CDH15: variants seen among roughly 807,000 people sequenced by gnomAD.
CDH15 encodes cadherin-15.
In CDH15, 73 loss-of-function variants were observed where a neutral mutation model predicts 69.4. That is an observed-to-expected ratio of 1.05 (90% CI 0.87 to 1.28). The LOEUF (loss-of-function observed/expected upper bound fraction) is 1.28. Among genes scored for constraint, CDH15 ranks in the 50% most tolerant of loss-of-function variants. The pLI is 0.00. For synonymous variants in CDH15, 624 were observed against 507.7 expected, an observed-to-expected ratio of 1.23 and a Z score of -3.08; for missense variants, 1,343 against 1,133.6, an observed-to-expected ratio of 1.18 and a Z score of -2.65.
chr16:89,187,490 C>A lies in CDH15; in HGVS notation c.725C>A (p.Ala242Asp), dbSNP rs763290887. ...VADMSGDGLT[A>D]TASAIITLDD... ...GACATGTCTGGAGACGGCCTCACAG[C>A]CACTGCCTCAGCCATCATCACCCTT... is the stretch of plus-strand genomic sequence containing the variant. The change falls in exon 6 of 14, where the codon GCC becomes GAC. Residue 242 changes from alanine (A) to aspartate (D), a missense_variant. By Grantham distance (126) the Ala-to-Asp change is moderately radical (BLOSUM62 -2). Coordinates refer to ENST00000289746, the MANE Select transcript of CDH15 (RefSeq NM_004933.3). 6.2e-7 allele frequency: 1 copy of A among 1,613,664 alleles called. No homozygotes were observed. Among genetic ancestry groups the A allele is most frequent in the Non-Finnish European group, 8.5e-7 (1 of 1,180,016 alleles).
intron 3 of CDH15, chr16:89,183,092 G>C (rs543032662): frequency 6.3e-6 from 1 of 158,620 alleles, no homozygotes; most frequent in Non-Finnish European, 1.4e-5. Context: ...TGAGGCAGGA[G>C]AATCGCTTGA....
rs764511057 is a variant in CDH15, at chr16:89,191,743, G to A, written c.1464G>A (p.Pro488=). The change falls in exon 10 of 14, where the codon CCG becomes CCA. Residue 488 remains proline (P), a synonymous_variant. Transcript: ENST00000289746. The part of the protein sequence containing the change: ...DHAPVLAPPP[P]GSLCSEPHQG... ...CACCTGTGCTGGCCCCGCCGCCGCC[G>A]GGCAGCCTGTGCAGCGAGCCACACC... The A allele has an allele frequency of 1.0e-5, 16 of 1,604,566 alleles. No homozygotes were observed. The highest frequency in any genetic ancestry group is 1.6e-4 in the Middle Eastern group (1 of 6,078).
chr16:89,189,435 C>T (rs1031631483), intron 7 of CDH15, among the ~76,000 whole-genome samples: 6 of 152,244 alleles, frequency 3.9e-5, no homozygotes, highest in Admixed American at 1.3e-4. Context: ...GGGTTTGAGC[C>T]CCTTCCTGGC....
rs139450416 is a variant in CDH15 at position 89,194,947 on chromosome 16, C to T, written c.2237C>T (p.Ala746Val). ...GACTACGAGGGTGACGGCTCGGTGG[C>T]GGGGACGCTGAGCTCCATCCTGTCC... ...IYDYEGDGSVAGTLSSILSSQ... is the reference protein window; with the variant it reads ...IYDYEGDGSVVGTLSSILSSQ... Residue 746 changes from alanine to valine, a missense_variant, in exon 14 of 14, where the codon GCG becomes GTG. Coordinates refer to ENST00000289746, the MANE Select transcript of CDH15 (RefSeq NM_004933.3). 243 of 1,608,400 alleles carry T rather than the reference C, an allele frequency of 1.5e-4. No individual in the cohort carries two copies. In the African/African-American group the frequency reaches 2.0e-3, roughly 13 times the overall value.
chr16:89,178,046 C>G (rs996166186), intron 1 of CDH15, among the ~76,000 whole-genome samples: 5 of 152,214 alleles, frequency 3.3e-5, no homozygotes, highest in African/African-American at 1.2e-4. Context: ...TTTTTAAAAC[C>G]AGAAAATTCA....
chr16:89,180,227 A>G lies in CDH15; in HGVS notation c.229A>G (p.Ser77Gly). 6.2e-7 allele frequency: 1 copy of G among 1,610,778 alleles called. No homozygotes were observed. Among genetic ancestry groups the G allele is most frequent in the Non-Finnish European group, 8.5e-7 (1 of 1,178,964 alleles). The change falls in exon 3 of 14, where the codon AGC becomes GGC. Residue 77 changes from serine (S) to glycine (G), a missense_variant. By Grantham distance (56) the Ser-to-Gly change is moderately conservative. Coordinates refer to ENST00000289746, the MANE Select transcript of CDH15 (RefSeq NM_004933.3). ...CAAGTCGGACAAGCAGCAGCTGGGCAGCGTCATCTACAGCATCCAGGGACC... is the reference window on the plus strand; with the variant it reads ...CAAGTCGGACAAGCAGCAGCTGGGCGGCGTCATCTACAGCATCCAGGGACC... ...QIKSDKQQLG[S>G]VIYSIQGPGV... is the part of the protein sequence containing the mutation.
chr16:89,188,186 C>G lies in CDH15; in HGVS notation c.879C>G (p.Asn293Lys). Residue 293 changes from asparagine (N) to lysine (K), a missense_variant, in exon 7 of 14, where the codon AAC (asparagine) becomes AAG (lysine). Physicochemically the swap from Asn to Lys is moderately conservative, Grantham distance 94. Coordinates refer to ENST00000289746, the MANE Select transcript of CDH15 (RefSeq NM_004933.3). ...VEDRDLPGSP[N>K]WVARFTILEG... ...ACAGGGACCTGCCAGGCTCCCCAAA[C>G]TGGGTGGCCAGGTTCACCATCCTGG... The G allele has an allele frequency of 6.2e-7, 1 of 1,613,444 alleles. No homozygotes were observed. The highest frequency in any genetic ancestry group is 8.5e-7 in the Non-Finnish European group (1 of 1,179,848).
At chr16:89,172,217 G>C (rs1301551083) in intron 1 of CDH15, among the ~76,000 whole-genome samples, 1 of 152,174 alleles carries the variant, frequency 6.6e-6, no homozygotes, top group African/African-American at 2.4e-5. Context: ...GTGGAGCAGA[G>C]AGAGGGGGGA....
In CDH15 at chr16:89,192,330, C is replaced by G; in HGVS notation, c.1741C>G (p.Arg581Gly). The G allele has an allele frequency of 1.3e-6, 2 of 1,535,930 alleles. No homozygotes were observed. Among genetic ancestry groups the G allele is most frequent in the Non-Finnish European group, 1.7e-6 (2 of 1,147,446 alleles). The change falls in exon 11 of 14, where the codon CGC becomes GGC. Residue 581 changes from arginine (R) to glycine (G), a missense_variant. Coordinates refer to ENST00000289746, the MANE Select transcript of CDH15 (RefSeq NM_004933.3). ...GCAGCCTCTGAACGTGACCGTGTGCCGCTGCGGCAAGGACGGCGTCTGCCT... is the reference window on the plus strand; with the variant it reads ...GCAGCCTCTGAACGTGACCGTGTGCGGCTGCGGCAAGGACGGCGTCTGCCT... ...REQPLNVTVC[R>G]CGKDGVCLPG...
chr16:89,192,447 G>T lies in CDH15; in HGVS notation c.1855+3G>T, dbSNP rs1915672958. 6.4e-7 allele frequency: 1 copy of T among 1,561,854 alleles called. No individual in the cohort carries two copies. Among genetic ancestry groups the T allele is most frequent in the Non-Finnish European group, 8.6e-7 (1 of 1,161,542 alleles). On this transcript the variant is annotated splice_donor_region_variant and intron_variant, in intron 11 of 13. Transcript: ENST00000289746. The stretch of plus-strand genomic sequence containing the variant: ...GGCCAGCGCCCTCCTGCTGCTGGGT[G>T]AGTGAGCGCCCCGCCTCCACCTGGA...
intron 7 of CDH15, 92 bp downstream of exon 7, chr16:89,188,377 C>T: frequency 1.2e-6 from 1 of 862,578 alleles, no homozygotes; most frequent in Non-Finnish European, 1.9e-6. Context: ...CACACAGATG[C>T]CCACACACAG....
chr16:89,192,512 G>C lies in CDH15; in HGVS notation c.1855+68G>C, dbSNP rs1283957331. On this transcript the variant is annotated intron_variant, in intron 11 of 13. Transcript: ENST00000289746. ...GACCCTCCTCCCCAGGCCGTCCCCT[G>C]CTAACCAGCCACGCCGCTTCCTCCC... is the stretch of plus-strand genomic sequence containing the variant. The C allele has an allele frequency of 9.1e-6, 14 of 1,532,342 alleles. No individual in the cohort carries two copies. The East Asian group carries it at 1.9e-4, about 21-fold the overall frequency. The allele number at this position is 1,532,342 out of a possible 1,614,324, so 94.9% of individuals were successfully genotyped here. A position where few individuals can be genotyped will look rare whatever the true frequency, so the allele number is the denominator to read the frequency against.
rs150882466 is a variant in CDH15 at position 89,179,649 on chromosome 16, G to T, written c.201+75G>T. On this transcript the variant is annotated intron_variant, in intron 2 of 13. Coordinates refer to ENST00000289746, the MANE Select transcript of CDH15 (RefSeq NM_004933.3). ...AGTGGGCCTCCCTCATTCTCTAAAG[G>T]TCTCCTGGGAGCCAGCGGGGCCCCA... is the stretch of plus-strand genomic sequence containing the variant. The T allele has an allele frequency of 1.2e-4, 177 of 1,448,952 alleles. No homozygotes were observed. The African/African-American group carries it at 1.6e-3, about 13-fold the overall frequency. The allele number at this position is 1,448,952 out of a possible 1,614,324, so 89.8% of individuals were successfully genotyped here.
rs1185543997 is a variant in CDH15 at position 89,191,807 on chromosome 16, C to G, written c.1528C>G (p.Leu510Val). The G allele has an allele frequency of 2.5e-6, 4 of 1,605,422 alleles. No individual in the cohort carries two copies. The highest frequency in any genetic ancestry group is 3.4e-6 in the Non-Finnish European group (4 of 1,179,406). Residue 510 changes from leucine to valine, a missense_variant, in exon 10 of 14, where the codon CTG (leucine) becomes GTG (valine). Coordinates refer to ENST00000289746, the MANE Select transcript of CDH15 (RefSeq NM_004933.3). ...GLLLGATDED[L>V]PPHGAPFHFQ... ...CCTCCTGGGCGCCACGGATGAGGAC[C>G]TGCCCCCCCACGGGGCCCCCTTCCA... is the stretch of plus-strand genomic sequence containing the variant.
In CDH15 at chr16:89,190,320, C is replaced by A. The variant is rs1187081573; in HGVS notation, c.1056C>A (p.Ala352=). 5 of 1,612,276 alleles carry A rather than the reference C, an allele frequency of 3.1e-6. No homozygotes were observed. ...VQNEAPLQAA[A]LRAERGQAKV... ...ATGAGGCCCCGCTGCAGGCGGCTGC[C>A]CTTAGGGCTGAGCGGGGCCAGGCCA... The change falls in exon 8 of 14, where the codon GCC becomes GCA. Residue 352 remains alanine (A), a synonymous_variant. Coordinates refer to ENST00000289746, the MANE Select transcript of CDH15 (RefSeq NM_004933.3).
At chr16:89,194,701 C>G (rs1305688100) in intron 13 of CDH15, among the ~76,000 whole-genome samples, 161 bp from the exon 14 acceptor site, 1 of 152,214 alleles carries the variant, frequency 6.6e-6, no homozygotes, top group Non-Finnish European at 1.5e-5. Context: ...CTGCTGTGCC[C>G]TCAGGACGCT....
At chr16:89,191,259 A>G (rs1915633364) in intron 8 of CDH15, 71 bp from the exon 9 acceptor site, 1 of 1,581,796 alleles carries the variant, frequency 6.3e-7, no homozygotes, top group Non-Finnish European at 8.7e-7. Context: ...CATGTCACGC[A>G]CCCATACCTG....
chr16:89,180,283 C>G lies in CDH15; in HGVS notation c.285C>G (p.Phe95Leu), dbSNP rs1294541154. The G allele has an allele frequency of 6.8e-6, 11 of 1,611,288 alleles. No homozygotes were observed. The highest frequency in any genetic ancestry group is 1.3e-5 in the African/African-American group (1 of 74,858). ...PGVDEEPRGV[F>L]SIDKFTGKVF... Reference sequence around the variant, plus strand: ...TGGATGAGGAGCCCCGGGGCGTCTTCTCTATCGACAAGTTCACAGGGAAGG... The same window carrying G: ...TGGATGAGGAGCCCCGGGGCGTCTTGTCTATCGACAAGTTCACAGGGAAGG... Residue 95 changes from phenylalanine (F) to leucine (L), a missense_variant, in exon 3 of 14, where the codon TTC becomes TTG. By Grantham distance (22) the Phe-to-Leu change is conservative. Transcript: ENST00000289746.
rs150987871 is a variant in CDH15 at position 89,179,435 on chromosome 16, G to C, written c.62G>C (p.Gly21Ala). The part of the protein sequence containing the change: ...LLAQSLCLSL[G>A]VPGWRRPTTL... ...TTGCAGAGCCTCTGCCTGTCTTTGG[G>C]GGTTCCTGGATGGAGGAGGCCCACC... is the stretch of plus-strand genomic sequence containing the variant. The change falls in exon 2 of 14, where the codon GGG (glycine) becomes GCG (alanine). Residue 21 changes from glycine (G) to alanine (A), a missense_variant. Gly to Ala is a moderately conservative substitution (Grantham distance 60). Coordinates refer to ENST00000289746, the MANE Select transcript of CDH15 (RefSeq NM_004933.3). The C allele has an allele frequency of 4.3e-5, 69 of 1,613,640 alleles. No homozygotes were observed. The African/African-American group carries it at 8.7e-4, about 20-fold the overall frequency.
Sources: allele counts gnomAD v4.1 joint callset (sites outside exome capture counted in the v4.1 genomes callset), GRCh38; gene constraint gnomAD v4.1.1; transcripts MANE v1.5; gene names NCBI Gene and HGNC (gene_info 2026-07-23, HGNC 2026-07-21).